SEC24D: variants seen among roughly 807,000 people sequenced by gnomAD.
SEC24D encodes the protein SEC24 homolog D, COPII component.
Under a neutral mutation model 116.9 loss-of-function variants are expected in SEC24D, and 69 were observed. The observed-to-expected ratio is 0.59, with a 90% CI of 0.49 to 0.72. The LOEUF is 0.72. Ranked by LOEUF, SEC24D falls within the 30% of genes least tolerant of loss-of-function variation. SEC24D has a pLI of 0.00. For missense variants in SEC24D, 1,131 were observed against 1,264.1 expected (o/e 0.89, Z 1.60); for synonymous variants, 405 against 442.8 (o/e 0.91, Z 1.07).
chr4:118,759,701 C>G (rs1194716348), intron 10 of SEC24D, among the ~76,000 whole-genome samples: 1 of 152,210 alleles, frequency 6.6e-6, no homozygotes, highest in Non-Finnish European at 1.5e-5. Context: ...TCTCCCAGTT[C>G]TCTAACTGTT....
rs528009777 is a variant in SEC24D, at chr4:118,745,188, A to G, written c.1708-128T>C. The G allele has an allele frequency of 3.9e-5, 24 of 610,550 alleles. No individual in the cohort carries two copies. In the South Asian group the frequency reaches 4.0e-4, roughly 10 times the overall value. The allele number at this position is 610,550 out of a possible 1,614,324, so 37.8% of individuals were successfully genotyped here. Reference sequence around the variant, plus strand: ...ACTATATTCATTTAATTTAATCCTCATAATAACCTTTGTGTCCTTGGGCAG... The same window carrying G: ...ACTATATTCATTTAATTTAATCCTCGTAATAACCTTTGTGTCCTTGGGCAG... On this transcript the variant is annotated intron_variant, in intron 13 of 22. Transcript: ENST00000280551.
At chr4:118,792,391 GT>G in intron 8 of SEC24D, among the ~76,000 whole-genome samples, 1 of 152,346 alleles carries the variant, frequency 6.6e-6, no homozygotes, top group East Asian at 1.9e-4. Flanking sequence ...TCTGGGAGGT[GT>G]ACCCAATAGC....
chr4:118,805,970 T>C lies in SEC24D; in HGVS notation c.802-16A>G, dbSNP rs1342566667. On this transcript the variant is annotated splice_polypyrimidine_tract_variant and intron_variant, in intron 6 of 22. Transcript: ENST00000280551. ...TCACCTGGATCTGATAAATAAGACA[T>C]CAAGAGCCCGTTAAAGTAGGTTCCA... is the stretch of plus-strand genomic sequence containing the variant. 6.5e-7 allele frequency: 1 copy of C among 1,536,102 alleles called. No homozygotes were observed. The highest frequency in any genetic ancestry group is 8.9e-7 in the Non-Finnish European group (1 of 1,117,610).
intron 3 of SEC24D, among the ~76,000 whole-genome samples, chr4:118,818,937 C>G (rs1461539226): frequency 2.0e-5 from 3 of 152,190 alleles, no homozygotes; most frequent in Non-Finnish European, 4.4e-5. Flanking sequence ...AAGCCCAACA[C>G]AGTTAGGCTA....
At chr4:118,756,513 A>G (rs557189302) in intron 11 of SEC24D, among the ~76,000 whole-genome samples, 1 of 152,280 alleles carries the variant, frequency 6.6e-6, no homozygotes, top group East Asian at 1.9e-4. Context: ...TGAGCCTCAC[A>G]TCTCCCAAAG....
chr4:118,751,348 T>G (rs1726822562), intron 13 of SEC24D, among the ~76,000 whole-genome samples: 1 of 152,084 alleles, frequency 6.6e-6, no homozygotes, highest in Admixed American at 6.6e-5. Context: ...ATGGCTAATT[T>G]TGTATTTTTA....
intron 6 of SEC24D, among the ~76,000 whole-genome samples, chr4:118,808,888 A>G (rs1055155336): frequency 2.0e-5 from 3 of 152,246 alleles, no homozygotes; most frequent in Non-Finnish European, 4.4e-5. Flanking sequence ...GAAAAACAAG[A>G]AGACGTGTGT....
rs143712578 is a variant in SEC24D at position 118,780,907 on chromosome 4, CTTTTTTTT to C, written c.1042-12604_1042-12597del. Among the ~76,000 whole-genome samples, 98 of 61,884 alleles carry C rather than the reference CTTTTTTTT, an allele frequency of 1.6e-3. 1 individual carries two copies. The highest frequency in any genetic ancestry group is 4.4e-3 in the African/African-American group (73 of 16,486). The allele number at this position is 61,884 out of a possible 152,430, so 40.6% of individuals were successfully genotyped here. On this transcript the variant is annotated intron_variant, in intron 8 of 22. Transcript: ENST00000280551. ...TCAGAGACTAGGATTGCAACCCCTG[CTTTTTTTT>C]TTTTTTTTTTTTTTTTTGCTTTCCA...
intron 1 of SEC24D, among the ~76,000 whole-genome samples, chr4:118,835,738 C>T (rs575344164): frequency 1.3e-5 from 2 of 152,320 alleles, no homozygotes; most frequent in East Asian, 1.9e-4. Flanking sequence ...CCACGCCCAC[C>T]TCCTGCTCCC....
In SEC24D at chr4:118,751,858, A is replaced by G. The variant is rs1171846495; in HGVS notation, c.1707+138T>C. The G allele has an allele frequency of 7.6e-6, 5 of 659,816 alleles. No homozygotes were observed. In the East Asian group the frequency reaches 1.1e-4, roughly 15 times the overall value. The allele number at this position is 659,816 out of a possible 1,614,324, so 40.9% of individuals were successfully genotyped here. On this transcript the variant is annotated intron_variant, in intron 13 of 22. Transcript: ENST00000280551. The stretch of plus-strand genomic sequence containing the variant: ...TTTGGTCATTTCCTCCTGAGATCTG[A>G]GTGGAAGTTTGGAATAGCCTCTAGT...
intron 6 of SEC24D, among the ~76,000 whole-genome samples, chr4:118,808,123 G>A (rs142235250): frequency 2.9e-3 from 443 of 152,216 alleles, no homozygotes; most frequent in African/African-American, 9.0e-3. Flanking sequence ...ACTATGCCCA[G>A]TTAATTTTTA....
intron 13 of SEC24D, among the ~76,000 whole-genome samples, chr4:118,749,458 T>C (rs1274291907): frequency 2.0e-5 from 3 of 152,218 alleles, no homozygotes; most frequent in Non-Finnish European, 4.4e-5. Context: ...AATAAAGTTA[T>C]AATTCAAATA....
intron 6 of SEC24D, among the ~76,000 whole-genome samples, chr4:118,811,157 C>G (rs1294849312): frequency 2.0e-5 from 3 of 152,128 alleles, no homozygotes; most frequent in African/African-American, 7.2e-5. Context: ...TAAGTGAAAA[C>G]AGCAGATATA....
At chr4:118,799,050 T>G (rs1450938108) in intron 7 of SEC24D, among the ~76,000 whole-genome samples, 1 of 152,258 alleles carries the variant, frequency 6.6e-6, no homozygotes, top group Non-Finnish European at 1.5e-5. Flanking sequence ...TAGGTTCCTC[T>G]GCCTGCATTT....
At chr4:118,804,790 A>T (rs1425243575) in intron 7 of SEC24D, among the ~76,000 whole-genome samples, 3 of 151,972 alleles carry the variant, frequency 2.0e-5, no homozygotes, top group African/African-American at 7.3e-5. Flanking sequence ...GAATTTTTTT[A>T]ATATTAGTAT....
At chr4:118,755,939 A>ACT (rs1413903267) in intron 11 of SEC24D, among the ~76,000 whole-genome samples, 6 of 152,148 alleles carry the variant, frequency 3.9e-5, no homozygotes, top group African/African-American at 1.4e-4. Flanking sequence ...CCAAAGTCAC[A>ACT]CATCTGTGCT....
intron 2 of SEC24D, among the ~76,000 whole-genome samples, chr4:118,830,492 T>A (rs1730799434): frequency 6.6e-6 from 1 of 152,150 alleles, no homozygotes. Context: ...ACCAGAGTGT[T>A]TTGCTAATGA....
chr4:118,833,325 G>C (rs1329394397), intron 2 of SEC24D: 11 of 330,218 alleles, frequency 3.3e-5, no homozygotes, highest in Non-Finnish European at 6.0e-5. Flanking sequence ...GCAAGAACAA[G>C]ACTCACAGTA....
chr4:118,742,090 AATT>A (rs1204200571), intron 15 of SEC24D, among the ~76,000 whole-genome samples: 1 of 152,168 alleles, frequency 6.6e-6, no homozygotes, highest in African/African-American at 2.4e-5. Context: ...AATCAGTAAT[AATT>A]ATGGATACAC....
Sources: gnomAD v4.1 joint callset for allele counts (sites outside exome capture counted in the v4.1 genomes callset) on GRCh38, gnomAD v4.1.1 for gene constraint, MANE v1.5 for transcripts, NCBI Gene and HGNC (gene_info 2026-07-23, HGNC 2026-07-21) for gene names.